Variants in PALM observed in about 807,000 individuals in gnomAD.
PALM encodes paralemmin.
A neutral mutation model predicts 30.7 loss-of-function variants in PALM; 18 were observed. The observed-to-expected ratio is 0.59, with a 90% CI of 0.41 to 0.87. The LOEUF (loss-of-function observed/expected upper bound fraction) is 0.87. Ranked by LOEUF, PALM falls within the 40% of genes least tolerant of loss-of-function variation. The probability of loss-of-function intolerance (pLI) is 0.00; values close to 1 mark genes in which losing one functional copy is unlikely to be tolerated. For missense variants in PALM, 529 were observed against 555.4 expected (o/e 0.95, Z 0.48); for synonymous variants, 286 against 242.8 (o/e 1.18, Z -1.66).
rs570884243 is a variant in PALM at position 711,535 on chromosome 19, C to G, written c.5+2384C>G. On this transcript the variant is annotated intron_variant, in intron 1 of 8. Transcript: ENST00000338448. ...TTAACGCTCCTTCACACTTGCTAAT[C>G]CCCCTTTTTAATGAGAGGCAGAGCC... Among the ~76,000 whole-genome samples, 11 of 152,290 alleles carry G rather than the reference C, an allele frequency of 7.2e-5. No homozygotes were observed. In the East Asian group the frequency reaches 1.5e-3, roughly 21 times the overall value.
Position 723,570 on chromosome 19 carries a change from C to T in PALM, c.6-2568C>T, listed in dbSNP as rs375037080. On this transcript the variant is annotated intron_variant, in intron 1 of 8. Coordinates refer to ENST00000338448, the MANE Select transcript of PALM (RefSeq NM_002579.3). ...CAGCCCCAGTCTAGGGCTCGGTGCTCCTTGCGTTTTTCTTTTTGTTGTTTT... is the reference window on the plus strand; with the variant it reads ...CAGCCCCAGTCTAGGGCTCGGTGCTTCTTGCGTTTTTCTTTTTGTTGTTTT... Among the ~76,000 whole-genome samples the T allele has an allele frequency of 2.6e-5, 4 of 152,206 alleles. No homozygotes were observed. In the East Asian group the frequency reaches 7.7e-4, roughly 29 times the overall value.
intron 1 of PALM, among the ~76,000 whole-genome samples, chr19:718,336 C>T (rs1367422312): frequency 3.9e-5 from 6 of 152,176 alleles, no homozygotes; most frequent in Non-Finnish European, 5.9e-5. Context: ...TCTGGGTGAC[C>T]GTGCACCAGG....
At chr19:738,919 G>A (rs375519624) in intron 7 of PALM, among the ~76,000 whole-genome samples, 6 of 152,298 alleles carry the variant, frequency 3.9e-5, no homozygotes, top group Admixed American at 3.3e-4. Context: ...GGAACAGCCT[G>A]TGCAAAGGCC....
intron 8 of PALM, among the ~76,000 whole-genome samples, chr19:741,659 G>C (rs547500502): frequency 6.6e-6 from 1 of 151,952 alleles, no homozygotes; most frequent in Non-Finnish European, 1.5e-5. Flanking sequence ...GGGGACAGGC[G>C]GGGCCGTGTC....
At chr19:740,633 C>A in intron 8 of PALM, 150 bp downstream of exon 8, 3 of 745,080 alleles carry the variant, frequency 4.0e-6, no homozygotes, top group Non-Finnish European at 4.2e-6. Flanking sequence ...GGCCTCACCC[C>A]CTGTGGCCCA....
chr19:727,068 A>G lies in PALM; in HGVS notation c.118A>G (p.Arg40Gly). The stretch of plus-strand genomic sequence containing the variant: ...GCGCCGGCAGCTGGAGGACGAGCGG[A>G]GGCAGCTGCAGCACCTGAAGGTACG... ...NKRRQLEDER[R>G]QLQHLKSKAL... The change falls in exon 3 of 9, where the codon AGG becomes GGG. Residue 40 changes from arginine (R) to glycine (G), a missense_variant. Physicochemically the swap from Arg to Gly is moderately radical, Grantham distance 125. Coordinates refer to ENST00000338448, the MANE Select transcript of PALM (RefSeq NM_002579.3). 7.1e-7 allele frequency: 1 copy of G among 1,411,890 alleles called. No individual in the cohort carries two copies. The highest frequency in any genetic ancestry group is 9.4e-7 in the Non-Finnish European group (1 of 1,059,878). The allele number at this position is 1,411,890 out of a possible 1,614,324, so 87.5% of individuals were successfully genotyped here.
chr19:740,266 C>T, intron 7 of PALM, 86 bp from the exon 8 acceptor site: 1 of 1,363,564 alleles, frequency 7.3e-7, no homozygotes, highest in East Asian at 2.6e-5. Context: ...GCGCTGCTGG[C>T]TCCCCCCTCC....
chr19:726,426 G>C (rs901376117), intron 2 of PALM, among the ~76,000 whole-genome samples: 1 of 152,166 alleles, frequency 6.6e-6, no homozygotes, highest in Non-Finnish European at 1.5e-5. Context: ...GGAAACTGAG[G>C]CTGGCATTCC....
chr19:725,570 A>C (rs1186329994), intron 1 of PALM, among the ~76,000 whole-genome samples: 1 of 152,140 alleles, frequency 6.6e-6, no homozygotes, highest in Non-Finnish European at 1.5e-5. Context: ...AAAAACAAAC[A>C]AAACCACAAT....
At chr19:727,289 TGACCCTGACCCC>T (rs2032715292) in intron 3 of PALM, among the ~76,000 whole-genome samples, 1 of 51,302 alleles carries the variant, frequency 1.9e-5, no homozygotes, top group Non-Finnish European at 3.8e-5. Context: ...GACCCCAACC[TGACCCTGACCCC>T]GACCCTGACC....
chr19:726,855 A>G (rs1039809592), intron 2 of PALM, among the ~76,000 whole-genome samples, 153 bp from the exon 3 acceptor site: 1 of 150,958 alleles, frequency 6.6e-6, no homozygotes, highest in African/African-American at 2.4e-5. Context: ...GCTGGAGTAC[A>G]GTGGTGCGAT....
chr19:743,207 G>C lies in PALM; in HGVS notation c.634+2724G>C, dbSNP rs150234460. 3.3e-4 allele frequency among the ~76,000 whole-genome samples: 50 copies of C among 152,266 alleles called. 1 individual carries two copies. The East Asian group carries it at 9.4e-3, about 29-fold the overall frequency. ...GCAGCCCAGCTCTGGAGTGGCTTTG[G>C]GGTGTGGCGTTGGTGGCATCTCAGC... On this transcript the variant is annotated intron_variant, in intron 8 of 8. Coordinates refer to ENST00000338448, the MANE Select transcript of PALM (RefSeq NM_002579.3).
In PALM at chr19:736,188, G is replaced by A. The variant is rs534404234; in HGVS notation, c.502+110G>A. The A allele has an allele frequency of 1.2e-4, 93 of 752,748 alleles. 1 individual carries two copies. The highest frequency in any genetic ancestry group is 1.2e-3 in the African/African-American group (65 of 55,266). 46.6% of individuals were successfully genotyped at this position (752,748 alleles called of 1,614,324 possible). A position where few individuals can be genotyped will look rare whatever the true frequency, so the allele number is the denominator to read the frequency against. ...GCGACACCGACCTGCTCTCCGCAGC[G>A]TCTGACGGGGCCGTGGTTATGGGGG... is the stretch of plus-strand genomic sequence containing the variant. On this transcript the variant is annotated intron_variant, in intron 7 of 8. Transcript: ENST00000338448.
chr19:713,009 G>A (rs1361643138), intron 1 of PALM, among the ~76,000 whole-genome samples: 2 of 152,170 alleles, frequency 1.3e-5, no homozygotes, highest in African/African-American at 4.8e-5. Context: ...CCCTGCGAGA[G>A]AGGGAAACTG....
chr19:734,381 G>A (rs115708339), intron 6 of PALM, 187 bp downstream of exon 6: 20 of 594,426 alleles, frequency 3.4e-5, no homozygotes, highest in African/African-American at 1.9e-4. Flanking sequence ...CCAACATGGC[G>A]AAACTCAGTG....
At chr19:732,945 T>G (rs1244317532) in intron 5 of PALM, among the ~76,000 whole-genome samples, 7 of 151,344 alleles carry the variant, frequency 4.6e-5, no homozygotes, top group South Asian at 2.1e-4. Flanking sequence ...TTGTGTTTTT[T>G]TTTTTGAGAC....
rs2033362257 is a variant in PALM, at chr19:746,802, C to T, written c.1152C>T (p.Cys384=). The change falls in exon 9 of 9, where the codon TGC becomes TGT. Residue 384 remains cysteine, a synonymous_variant. Transcript: ENST00000338448. The surrounding 1 kb of genome is among the most constrained non-coding windows in gnomAD (Gnocchi z 7.1). ...LDMKKHRCKC[C]SIM ...TGAAGAAGCACCGTTGTAAATGCTGCTCCATCATGTGAGCCGGCCCCCGAG... is the reference window on the plus strand; with the variant it reads ...TGAAGAAGCACCGTTGTAAATGCTGTTCCATCATGTGAGCCGGCCCCCGAG... The T allele has an allele frequency of 1.3e-6, 2 of 1,546,408 alleles. No individual in the cohort carries two copies.
intron 7 of PALM, among the ~76,000 whole-genome samples, chr19:737,391 G>C (rs2033054770): frequency 6.6e-6 from 1 of 152,236 alleles, no homozygotes; most frequent in Admixed American, 6.5e-5. Context: ...CAGAGCTATA[G>C]AGTTGAAAAA....
chr19:728,136 G>A (rs181797076), intron 4 of PALM, among the ~76,000 whole-genome samples: 31 of 152,290 alleles, frequency 2.0e-4, no homozygotes, highest in African/African-American at 7.2e-4. Context: ...TGGTTCGAAC[G>A]GGATGGATGC....
Sources: gnomAD v4.1 joint callset for allele counts (sites outside exome capture counted in the v4.1 genomes callset) on GRCh38, gnomAD v4.1.1 for gene constraint, Gnocchi (gnomAD v3.1) non-coding constraint, MANE v1.5 for transcripts, NCBI Gene and HGNC (gene_info 2026-07-23, HGNC 2026-07-21) for gene names.